ERICH3: variants seen among roughly 807,000 people sequenced by gnomAD.
ERICH3 encodes the protein glutamate-rich protein 3.
ERICH3 carries 126 observed loss-of-function variants against 131.1 expected under a neutral mutation model. That is an observed-to-expected ratio of 0.96 (90% confidence interval 0.83 to 1.11). The LOEUF (loss-of-function observed/expected upper bound fraction) is 1.11, where lower values mean the gene tolerates loss of function less well. ERICH3 is among the 50% of genes most tolerant of loss of function. The pLI is 0.00. For missense variants in ERICH3, 2,050 were observed against 1,810.7 expected, an observed-to-expected ratio of 1.13 and a Z score of -2.40; for synonymous variants, 695 against 644.6, an observed-to-expected ratio of 1.08 and a Z score of -1.18.
chr1:74,674,270 G>C (rs1646767403), upstream of ERICH3, among the ~76,000 whole-genome samples: 1 of 152,188 alleles, frequency 6.6e-6, no homozygotes, highest in Non-Finnish European at 1.5e-5. Context: ...GAAGATGGGG[G>C]AGACGCAGTT....
Position 74,590,045 on chromosome 1 carries a change from G to A in ERICH3, c.1762C>T (p.His588Tyr), listed in dbSNP as rs915424981. ...TCCTCACTGTCACTAGAATAAGGGT[G>A]ACTTCTGGATGAGGTTGATGAAGCA... ...KTASSTSSRS[H>Y]PYSSDSEDES... Residue 588 changes from histidine (H) to tyrosine (Y), a missense_variant, in exon 12 of 15, where the codon CAC becomes TAC. Physicochemically the swap from His to Tyr is moderately conservative, Grantham distance 83. Coordinates refer to ENST00000326665, the MANE Select transcript of ERICH3 (RefSeq NM_001002912.5). The A allele has an allele frequency of 2.5e-6, 4 of 1,612,780 alleles. No homozygotes were observed. Among genetic ancestry groups the A allele is most frequent in the Non-Finnish European group, 2.5e-6 (3 of 1,179,298 alleles).
chr1:74,661,982 G>C (rs992128733), intron 1 of ERICH3, among the ~76,000 whole-genome samples: 1 of 152,170 alleles, frequency 6.6e-6, no homozygotes, highest in Non-Finnish European at 1.5e-5. Context: ...AAGTGGGAAA[G>C]ATGCGTTTCA....
rs1157647630 is a variant in ERICH3 at position 74,572,813 on chromosome 1, C to G, written c.2897G>C (p.Arg966Thr). 5 of 1,613,858 alleles carry G rather than the reference C, an allele frequency of 3.1e-6. No homozygotes were observed. The South Asian group carries it at 5.5e-5, about 18-fold the overall frequency. The part of the protein sequence containing the change: ...TGPMEDTASK[R>T]EDGSEEAILG... ...AATTGCCTCTTCAGAACCGTCCTCT[C>G]TCTTTGATGCTGTGTCCTCCATGGG... Residue 966 changes from arginine (R) to threonine (T), a missense_variant, in exon 14 of 15, where the codon AGA becomes ACA. Physicochemically the swap from Arg to Thr is moderately conservative, Grantham distance 71. Transcript: ENST00000326665.
In ERICH3 at chr1:74,666,421, T is replaced by C. The variant is rs116917873; in HGVS notation, c.23+7076A>G. ...TGATTTTACAATTGTCAAAAAAATT[T>C]TTAATCCTAATACTGAAAGAGTCTC... On this transcript the variant is annotated intron_variant, in intron 1 of 14. Coordinates refer to ENST00000326665, the MANE Select transcript of ERICH3 (RefSeq NM_001002912.5). 5.3e-5 allele frequency among the ~76,000 whole-genome samples: 8 copies of C among 152,284 alleles called. No homozygotes were observed. In the East Asian group the frequency reaches 1.5e-3, roughly 29 times the overall value.
intron 1 of ERICH3, among the ~76,000 whole-genome samples, chr1:74,670,904 C>G (rs552671469): frequency 6.6e-6 from 1 of 152,222 alleles, no homozygotes; most frequent in East Asian, 1.9e-4. Flanking sequence ...GAAAGGAATG[C>G]ATTCCTGGGA....
chr1:74,634,941 G>A (rs1570894909), intron 6 of ERICH3: 1 of 384,792 alleles, frequency 2.6e-6, no homozygotes, highest in South Asian at 1.0e-4. Context: ...TTCTCATTGT[G>A]ATTTGGCTTC....
chr1:74,631,815 G>C lies in ERICH3; in HGVS notation c.717C>G (p.Pro239=). Residue 239 remains proline, a synonymous_variant, in exon 7 of 15, where the codon CCC becomes CCG. Coordinates refer to ENST00000326665, the MANE Select transcript of ERICH3 (RefSeq NM_001002912.5). ...SYMMPIPPPL[P]PTGKITRENR... is the part of the protein sequence containing the mutation. ...TTTCTCTTGTGATTTTCCCAGTTGG[G>C]GGAAGTGGAGGAGGAATAGGCATCA... is the stretch of plus-strand genomic sequence containing the variant. 6.2e-7 allele frequency: 1 copy of C among 1,613,438 alleles called. No individual in the cohort carries two copies. The highest frequency in any genetic ancestry group is 8.5e-7 in the Non-Finnish European group (1 of 1,179,548).
intron 11 of ERICH3, among the ~76,000 whole-genome samples, chr1:74,597,541 AT>A (rs1233281951): frequency 6.6e-6 from 1 of 152,010 alleles, no homozygotes; most frequent in African/African-American, 2.4e-5. Flanking sequence ...AATATTATAT[AT>A]TATGTATCTA....
chr1:74,667,579 A>G (rs1381912975), intron 1 of ERICH3, among the ~76,000 whole-genome samples: 3 of 152,220 alleles, frequency 2.0e-5, no homozygotes, highest in African/African-American at 7.2e-5. Flanking sequence ...CTCAAAAATA[A>G]TTAAACTTTA....
At chr1:74,672,767 A>G in intron 1 of ERICH3, among the ~76,000 whole-genome samples, 1 of 105,972 alleles carries the variant, frequency 9.4e-6, no homozygotes, top group East Asian at 1.4e-3. Flanking sequence ...TCTCCCTTCC[A>G]ATAAAAAAAG....
At chr1:74,589,088 CT>C (rs1305968403) in intron 12 of ERICH3, among the ~76,000 whole-genome samples, 3 of 151,920 alleles carry the variant, frequency 2.0e-5, no homozygotes, top group Non-Finnish European at 2.9e-5. Context: ...CTTATTTAAC[CT>C]TTGGAAGCTA....
chr1:74,598,769 G>A (rs1360034914), intron 11 of ERICH3, among the ~76,000 whole-genome samples: 1 of 151,704 alleles, frequency 6.6e-6, no homozygotes, highest in African/African-American at 2.4e-5. Flanking sequence ...CAGGTGAGTG[G>A]GTGTATCACA....
chr1:74,572,520 C>T lies in ERICH3; in HGVS notation c.3190G>A (p.Glu1064Lys). 1 of 1,614,108 alleles carries T rather than the reference C, an allele frequency of 6.2e-7. No homozygotes were observed. The highest frequency in any genetic ancestry group is 2.2e-5 in the East Asian group (1 of 44,862). The change falls in exon 14 of 15, where the codon GAG (glutamate) becomes AAG (lysine). Residue 1064 changes from glutamate (E) to lysine (K), a missense_variant. Coordinates refer to ENST00000326665, the MANE Select transcript of ERICH3 (RefSeq NM_001002912.5). ...LDLARERRKAERPKTSLRKTD... is the reference protein window; with the variant it reads ...LDLARERRKAKRPKTSLRKTD... ...TTCCTCAGAGATGTTTTTGGCCTCT[C>T]AGCTTTCCTTCGCTCTCTTGCTAAA...
intron 1 of ERICH3, among the ~76,000 whole-genome samples, chr1:74,650,230 T>A (rs1206535535): frequency 1.3e-5 from 2 of 152,154 alleles, no homozygotes; most frequent in African/African-American, 4.8e-5. Context: ...AATTCATAGA[T>A]CACTTTTGAT....
Position 74,673,557 on chromosome 1 carries a change from G to A in ERICH3, c.-38C>T, listed in dbSNP as rs2100666082. 1 of 1,606,646 alleles carries A rather than the reference G, an allele frequency of 6.2e-7. No individual in the cohort carries two copies. Among genetic ancestry groups the A allele is most frequent in the East Asian group, 2.3e-5 (1 of 43,896 alleles). ...CCTTTTGGACCCCGCGGCAGGTGCG[G>A]AGGGTGGGTGCGTGGGGCCCCGTGC... is the stretch of plus-strand genomic sequence containing the variant. On this transcript the variant is annotated 5_prime_UTR_variant, in exon 1 of 15. Coordinates refer to ENST00000326665, the MANE Select transcript of ERICH3 (RefSeq NM_001002912.5).
At chr1:74,584,694 C>T (rs549614052) in intron 12 of ERICH3, among the ~76,000 whole-genome samples, 1 of 152,306 alleles carries the variant, frequency 6.6e-6, no homozygotes, top group South Asian at 2.1e-4. Context: ...GATACCCCAT[C>T]ACATGCTTAT....
At chr1:74,667,428 G>A (rs992423314) in intron 1 of ERICH3, among the ~76,000 whole-genome samples, 2 of 152,072 alleles carry the variant, frequency 1.3e-5, no homozygotes, top group Non-Finnish European at 2.9e-5. Flanking sequence ...GCCATAGCAG[G>A]GGAAATTCCA....
At chr1:74,621,120 C>T (rs781244546) in intron 7 of ERICH3, among the ~76,000 whole-genome samples, 12 of 152,004 alleles carry the variant, frequency 7.9e-5, no homozygotes, top group Non-Finnish European at 1.5e-5. Flanking sequence ...TATGTTTTGG[C>T]TTTCTACTTT....
At chr1:74,599,079 A>C (rs1213106176) in intron 11 of ERICH3, among the ~76,000 whole-genome samples, 1 of 151,986 alleles carries the variant, frequency 6.6e-6, no homozygotes, top group Non-Finnish European at 1.5e-5. Context: ...CATATTTGTA[A>C]AAAATTACAT....
Sources: gnomAD v4.1 joint callset for allele counts (sites outside exome capture counted in the v4.1 genomes callset) on GRCh38, gnomAD v4.1.1 for gene constraint, MANE v1.5 for transcripts, NCBI Gene and HGNC (gene_info 2026-07-23, HGNC 2026-07-21) for gene names.